CPXM2: variants seen among roughly 807,000 people sequenced by gnomAD.
CPXM2 encodes inactive carboxypeptidase-like protein X2.
CPXM2 carries 66 observed loss-of-function variants against 86.1 expected under a neutral mutation model. The observed-to-expected ratio is 0.77, with a 90% confidence interval of 0.63 to 0.94. The LOEUF (loss-of-function observed/expected upper bound fraction) is 0.94. Among genes scored for constraint, CPXM2 ranks in the 40% least tolerant of loss-of-function variants. The pLI is 0.00. For synonymous variants in CPXM2, 388 were observed against 400.2 expected, an observed-to-expected ratio of 0.97 and a Z score of 0.36; for missense variants, 948 against 1,026.3, an observed-to-expected ratio of 0.92 and a Z score of 1.04.
intron 2 of CPXM2, among the ~76,000 whole-genome samples, chr10:123,867,531 T>C (rs112213367): frequency 1.0e-3 from 144 of 144,442 alleles, no homozygotes; most frequent in Non-Finnish European, 1.9e-3. Context: ...TTCTTTCTTT[T>C]TTTTTTTTTT....
At chr10:123,895,111 T>C (rs1032569699), upstream of CPXM2, among the ~76,000 whole-genome samples, 1 of 116,742 alleles carries the variant, frequency 8.6e-6, no homozygotes, top group Non-Finnish European at 1.9e-5. Context: ...CTTTTTTTTT[T>C]CTTTTTTTTC....
At chr10:123,861,470 C>T (rs1274108532) in intron 3 of CPXM2, among the ~76,000 whole-genome samples, 1 of 152,080 alleles carries the variant, frequency 6.6e-6, no homozygotes, top group Non-Finnish European at 1.5e-5. Flanking sequence ...CGCTCTAATC[C>T]GCAGAACCTG....
intron 2 of CPXM2, among the ~76,000 whole-genome samples, chr10:123,913,305 C>T (rs767084884): frequency 1.3e-5 from 2 of 152,166 alleles, no homozygotes; most frequent in Admixed American, 6.5e-5. Flanking sequence ...TATCCAAGTG[C>T]GGAGTCTCAG....
intron 4 of CPXM2, among the ~76,000 whole-genome samples, chr10:123,823,635 A>T (rs1213256626): frequency 2.6e-5 from 4 of 152,188 alleles, no homozygotes; most frequent in Non-Finnish European, 5.9e-5. Context: ...GGATAAGAAA[A>T]TAAAGAGAGA....
chr10:123,813,392 G>A (rs1247469921), intron 4 of CPXM2, among the ~76,000 whole-genome samples: 1 of 152,204 alleles, frequency 6.6e-6, no homozygotes, highest in African/African-American at 2.4e-5. Flanking sequence ...ATACCTGGAT[G>A]CTCTGTTCCC....
intron 6 of CPXM2, among the ~76,000 whole-genome samples, chr10:123,792,714 C>T (rs983988910): frequency 6.6e-6 from 1 of 152,196 alleles, no homozygotes; most frequent in Non-Finnish European, 1.5e-5. Flanking sequence ...GGAAGAGAAA[C>T]GCTGATTGCC....
chr10:123,771,425 G>A (rs2134009059), intron 7 of CPXM2, among the ~76,000 whole-genome samples: 1 of 152,218 alleles, frequency 6.6e-6, no homozygotes, highest in Admixed American at 6.5e-5. Context: ...CCCTCTAGGA[G>A]GTGATTAGTG....
intron 2 of CPXM2, among the ~76,000 whole-genome samples, chr10:123,932,023 T>C (rs1198193927): frequency 6.6e-6 from 1 of 152,132 alleles, no homozygotes; most frequent in African/African-American, 2.4e-5. Context: ...GTGGTTTTTT[T>C]TAAACAGGGT....
chr10:123,873,912 T>A (rs1241610348), intron 2 of CPXM2, among the ~76,000 whole-genome samples: 1 of 144,222 alleles, frequency 6.9e-6, no homozygotes, highest in Non-Finnish European at 1.5e-5. Context: ...CAAGCTGGAG[T>A]ACAGTGGCAC....
intron 6 of CPXM2, among the ~76,000 whole-genome samples, chr10:123,795,478 G>A (rs995148149): frequency 6.6e-6 from 1 of 152,128 alleles, no homozygotes; most frequent in Non-Finnish European, 1.5e-5. Context: ...AAAGAGGCCT[G>A]GAAAGTGCAG....
In CPXM2 at chr10:123,797,844, T is replaced by C. The variant is rs557861570; in HGVS notation, c.889+132A>G. On this transcript the variant is annotated intron_variant, in intron 6 of 13. Coordinates refer to ENST00000241305, the MANE Select transcript of CPXM2 (RefSeq NM_198148.3). ...AGTGATTGATTCTGCCTCCTCAGCC[T>C]CCCAAAATGCTGGGATTACAGGCAT... The C allele has an allele frequency of 1.4e-5, 12 of 883,512 alleles. No individual in the cohort carries two copies. The Admixed American group carries it at 1.7e-4, about 13-fold the overall frequency. 54.7% of individuals were successfully genotyped at this position (883,512 alleles called of 1,614,324 possible). A position where few individuals can be genotyped will look rare whatever the true frequency, so the allele number is the denominator to read the frequency against.
At chr10:123,788,878 G>GGA (rs1554877907) in intron 6 of CPXM2, among the ~76,000 whole-genome samples, 1 of 138,864 alleles carries the variant, frequency 7.2e-6, no homozygotes, top group African/African-American at 2.7e-5. Flanking sequence ...CACCTTGATT[G>GGA]AAAAAAAAAA....
In CPXM2 at chr10:123,834,349, G is replaced by C. The variant is rs980968807; in HGVS notation, c.653+8000C>G. On this transcript the variant is annotated intron_variant, in intron 4 of 13. Coordinates refer to ENST00000241305, the MANE Select transcript of CPXM2 (RefSeq NM_198148.3). ...TGTGCAGGGCTCTAATCTAGCACTG[G>C]AGATTCAAGGGCAGACAACCCTGCC... is the stretch of plus-strand genomic sequence containing the variant. Among the ~76,000 whole-genome samples, 3 of 152,230 alleles carry C rather than the reference G, an allele frequency of 2.0e-5. No homozygotes were observed. The East Asian group carries it at 5.8e-4, about 29-fold the overall frequency.
rs201420520 is a variant in CPXM2, at chr10:123,767,044, G to C, written c.1408C>G (p.Gln470Glu). 1.0e-4 allele frequency: 163 copies of C among 1,614,124 alleles called. 1 individual carries two copies. The East Asian group carries it at 3.6e-3, about 36-fold the overall frequency. Residue 470 changes from glutamine to glutamate, a missense_variant, in exon 10 of 14, where the codon CAG becomes GAG. By Grantham distance (29) the Gln-to-Glu change is conservative (BLOSUM62 2). Transcript: ENST00000241305. ...TTGGGAACTTTCCTGGGGACATTCT[G>C]TCGATCCTCTGCCTCCCAGAGCAGC... ...NTLLWEAEDR[Q>E]NVPRKVPNHY...
chr10:123,819,771 G>T (rs1847887418), intron 4 of CPXM2, among the ~76,000 whole-genome samples: 1 of 152,102 alleles, frequency 6.6e-6, no homozygotes, highest in East Asian at 1.9e-4. Flanking sequence ...GATGTGTATG[G>T]GTTCAAATTG....
At chr10:123,780,735 CCCTT>C (rs35840032) in intron 6 of CPXM2, among the ~76,000 whole-genome samples, 83,824 of 150,698 alleles carry the variant, frequency 0.56, 23,765 homozygotes, top group African/African-American at 0.65. Flanking sequence ...GCATTCATTC[CCCTT>C]CCTTCCTTCC....
chr10:123,880,145 T>TTGGGGGCCCC, intron 2 of CPXM2, 66 bp downstream of exon 2: 2 of 407,580 alleles, frequency 4.9e-6, no homozygotes, highest in East Asian at 4.9e-5. Flanking sequence ...CAGGGGCCTG[T>TTGGGGGCCCC]ACCCACCCAC....
intron 6 of CPXM2, among the ~76,000 whole-genome samples, chr10:123,786,165 AC>A (rs781374903): frequency 6.6e-6 from 1 of 152,314 alleles, no homozygotes. Flanking sequence ...AAAAGCTTTT[AC>A]TGACTTCATC....
At chr10:123,930,728 A>G (rs1945660726) in intron 2 of CPXM2, among the ~76,000 whole-genome samples, 1 of 152,252 alleles carries the variant, frequency 6.6e-6, no homozygotes, top group East Asian at 1.9e-4. Context: ...AAAGCAGGAA[A>G]AGATATCCAG....
Sources: gnomAD v4.1 joint callset for allele counts (sites outside exome capture counted in the v4.1 genomes callset) on GRCh38, gnomAD v4.1.1 for gene constraint, MANE v1.5 for transcripts, NCBI Gene and HGNC (gene_info 2026-07-23, HGNC 2026-07-21) for gene names.